Variants in KIF1C observed in about 807,000 individuals in gnomAD.
The protein encoded by KIF1C is kinesin family member 1C.
In KIF1C, 61 loss-of-function variants were observed where a neutral mutation model predicts 126.5. The ratio of observed to expected loss-of-function variants is 0.48; its 90% CI spans 0.39 to 0.60. KIF1C has a LOEUF of 0.60. KIF1C is among the 20% of genes least tolerant of loss of function. KIF1C has a pLI of 0.00. For synonymous variants in KIF1C, 640 were observed against 580.6 expected (o/e 1.10, Z -1.47); for missense variants, 1,315 against 1,489.2 (o/e 0.88, Z 1.93).
intron 18 of KIF1C, 143 bp from the exon 19 acceptor site, chr17:5,019,853 G>T: frequency 1.5e-6 from 1 of 653,310 alleles, no homozygotes; most frequent in Non-Finnish European, 2.8e-6. Flanking sequence ...CACCAGAGGG[G>T]CCATGGCACC....
intron 18 of KIF1C, among the ~76,000 whole-genome samples, chr17:5,018,073 C>A (rs1431123197): frequency 6.6e-6 from 1 of 152,172 alleles, no homozygotes; most frequent in East Asian, 1.9e-4. Context: ...CTCAACCTCC[C>A]GGGTTAAAGT....
chr17:5,018,765 T>C (rs1324116104), intron 18 of KIF1C, among the ~76,000 whole-genome samples: 4 of 152,078 alleles, frequency 2.6e-5, no homozygotes, highest in Non-Finnish European at 4.4e-5. Context: ...GATTATCTTG[T>C]TTATTGTCTG....
In KIF1C at chr17:5,000,216, C is replaced by G; in HGVS notation, c.-27-4C>G. ...ACCCCACCACTCCTTTCTCTGTCCT[C>G]CAGCTGAGGAGGGCAGGAGTGTCTG... On this transcript the variant is annotated splice_region_variant and splice_polypyrimidine_tract_variant and intron_variant, in intron 2 of 22. Coordinates refer to ENST00000320785, the MANE Select transcript of KIF1C (RefSeq NM_006612.6). 4 of 1,496,642 alleles carry G rather than the reference C, an allele frequency of 2.7e-6. No homozygotes were observed. Among genetic ancestry groups the G allele is most frequent in the Non-Finnish European group, 3.6e-6 (4 of 1,096,274 alleles). 92.7% of individuals were successfully genotyped at this position (1,496,642 alleles called of 1,614,324 possible).
Position 5,007,087 on chromosome 17 carries a change from G to A in KIF1C, c.1335+3G>A. 2.5e-6 allele frequency: 4 copies of A among 1,584,696 alleles called. No individual in the cohort carries two copies. Among genetic ancestry groups the A allele is most frequent in the Non-Finnish European group, 3.4e-6 (4 of 1,168,470 alleles). ...AGGAAGCCATGGAGAGGCTGCAGGT[G>A]GGAAGCTGGAGCTGGCAAGGGCTGG... On this transcript the variant is annotated splice_donor_region_variant and intron_variant, in intron 14 of 22. Coordinates refer to ENST00000320785, the MANE Select transcript of KIF1C (RefSeq NM_006612.6).
intron 13 of KIF1C, among the ~76,000 whole-genome samples, chr17:5,005,398 T>C (rs1974703700): frequency 6.6e-6 from 1 of 152,046 alleles, no homozygotes; most frequent in Non-Finnish European, 1.5e-5. Context: ...CTCAGTGGAG[T>C]GCTTTCTGGT....
intron 16 of KIF1C, chr17:5,012,000 C>T (rs554131228): frequency 6.6e-6 from 1 of 152,224 alleles, no homozygotes; most frequent in African/African-American, 2.4e-5. Context: ...CCTCCCAGAA[C>T]ACAGTGGCAC....
chr17:5,005,135 C>T (rs1974697600), intron 13 of KIF1C, 135 bp downstream of exon 13: 1 of 1,099,252 alleles, frequency 9.1e-7, no homozygotes, highest in Middle Eastern at 2.7e-4. Flanking sequence ...GTGACGTGGA[C>T]ACAGATGTGG....
In KIF1C at chr17:5,023,492, G is replaced by A. The variant is rs1175645720; in HGVS notation, c.2653G>A (p.Gly885Ser). Residue 885 changes from glycine to serine, a missense_variant, in exon 23 of 23, where the codon GGT (glycine) becomes AGT (serine). This residue lies in a region of KIF1C where 441 missense variants were observed against 436.1 expected (regional missense o/e 1.01). Coordinates refer to ENST00000320785, the MANE Select transcript of KIF1C (RefSeq NM_006612.6). This position sits in a 1 kb window ranked among gnomAD's most constrained non-coding sequence, Gnocchi z 4.2. ...AQDHEDENEE[G>S]GEVPWAPPEG... ...GGATCATGAGGATGAGAATGAAGAA[G>A]GTGGTGAGGTCCCCTGGGCCCCGCC... 1 of 1,613,938 alleles carries A rather than the reference G, an allele frequency of 6.2e-7. No individual in the cohort carries two copies. Among genetic ancestry groups the A allele is most frequent in the East Asian group, 2.2e-5 (1 of 44,890 alleles).
intron 4 of KIF1C, 115 bp from the exon 5 acceptor site, chr17:5,001,107 C>A: frequency 1.8e-6 from 2 of 1,123,176 alleles, no homozygotes; most frequent in Non-Finnish European, 2.6e-6. Flanking sequence ...GGTGGGAGGG[C>A]ACACAGGACA....
At chr17:5,005,129 C>T (rs746520774) in intron 13 of KIF1C, 129 bp downstream of exon 13, 152 of 1,149,882 alleles carry the variant, frequency 1.3e-4, no homozygotes, top group Non-Finnish European at 1.8e-4. Flanking sequence ...TGCTCAGTGA[C>T]GTGGACACAG....
At position 5,028,356 on chromosome 17, in the gene KIF1C, T is replaced by G. The variant is rs146750814; in HGVS notation, c.*4205T>G. Reference sequence around the variant, plus strand: ...TTAGACATGTTTTTTGTTGTTGTTGTCACCTGGAACTTTTGTATCTTGAAT... The same window carrying G: ...TTAGACATGTTTTTTGTTGTTGTTGGCACCTGGAACTTTTGTATCTTGAAT... On this transcript the variant is annotated 3_prime_UTR_variant, in exon 23 of 23. Coordinates refer to ENST00000320785, the MANE Select transcript of KIF1C (RefSeq NM_006612.6). 5 of 152,346 alleles carry G rather than the reference T, an allele frequency of 3.3e-5. 1 individual carries two copies. The highest frequency in any genetic ancestry group is 1.2e-4 in the African/African-American group (5 of 41,594). 9.4% of individuals were successfully genotyped at this position (152,346 alleles called of 1,614,324 possible).
Position 5,020,794 on chromosome 17 carries a change from G to A in KIF1C, c.1938-12G>A. 1 of 1,596,444 alleles carries A rather than the reference G, an allele frequency of 6.3e-7. No individual in the cohort carries two copies. Among genetic ancestry groups the A allele is most frequent in the Non-Finnish European group, 8.5e-7 (1 of 1,171,102 alleles). ...CAAGGTTGCTCTTCCTTCCCTCCCT[G>A]TCCAATCCCAGGCTGCAGGATCTGG... On this transcript the variant is annotated splice_polypyrimidine_tract_variant and intron_variant, in intron 20 of 22. Transcript: ENST00000320785. This position sits in a 1 kb window ranked among gnomAD's most constrained non-coding sequence, Gnocchi z 5.8.
At chr17:5,006,141 A>G (rs1362239040) in intron 13 of KIF1C, among the ~76,000 whole-genome samples, 1 of 145,666 alleles carries the variant, frequency 6.9e-6, no homozygotes, top group Non-Finnish European at 1.5e-5. Flanking sequence ...CAGGAGGTGG[A>G]GGTTGCGGTG....
rs754186279 is a variant in KIF1C, at chr17:5,020,859, T to G, written c.1991T>G (p.Leu664Arg). Residue 664 changes from leucine (L) to arginine (R), a missense_variant, in exon 21 of 23, where the codon CTG becomes CGG. Transcript: ENST00000320785. The surrounding 1 kb of genome is among the most constrained non-coding windows in gnomAD (Gnocchi z 5.8). ...AAAGAAAAGGAAGAAGCCGATCTTC[T>G]GCTGGAGCAGCAGCGACTGGTGAGG... is the stretch of plus-strand genomic sequence containing the variant. ...YRKEKEEADL[L>R]LEQQRLYADS... 1.9e-6 allele frequency: 3 copies of G among 1,584,060 alleles called. No homozygotes were observed. In the African/African-American group the frequency reaches 4.0e-5, roughly 21 times the overall value.
At chr17:5,012,493 G>C (rs769359230) in intron 16 of KIF1C, among the ~76,000 whole-genome samples, 5 of 152,116 alleles carry the variant, frequency 3.3e-5, no homozygotes, top group Non-Finnish European at 7.4e-5. Context: ...GAGCCTGGGA[G>C]GGGGGCTTGG....
Position 5,026,167 on chromosome 17 carries a change from G to A in KIF1C, c.*2016G>A, listed in dbSNP as rs1052074343. ...CTCCTGCCTTTACTTTGACACCTCT[G>A]ACTGCCAGGTTTTCACAGACCTGTT... is the stretch of plus-strand genomic sequence containing the variant. On this transcript the variant is annotated 3_prime_UTR_variant, in exon 23 of 23. Transcript: ENST00000320785. The A allele has an allele frequency of 6.6e-6, 1 of 152,164 alleles. No homozygotes were observed. 9.4% of individuals were successfully genotyped at this position (152,164 alleles called of 1,614,324 possible). A position where few individuals can be genotyped will look rare whatever the true frequency, so the allele number is the denominator to read the frequency against.
rs201845629 is a variant in KIF1C at position 5,000,307 on chromosome 17, A to G, written c.61A>G (p.Ser21Gly). Residue 21 changes from serine to glycine, a missense_variant, in exon 3 of 23, where the codon AGC (serine) becomes GGC (glycine). Ser to Gly is a moderately conservative substitution (Grantham distance 56). Around this residue, in one of 2 missense-constraint regions of KIF1C, gnomAD observed 874 missense variants for 1,053.2 expected, o/e 0.83. Coordinates refer to ENST00000320785, the MANE Select transcript of KIF1C (RefSeq NM_006612.6). ...RVRPFNARET[S>G]QDAKCVVSMQ... ...TCGGCCCTTTAACGCCCGTGAGACC[A>G]GCCAGGATGCCAAGTGTGTGGTCAG... The G allele has an allele frequency of 5.0e-6, 8 of 1,594,580 alleles. No individual in the cohort carries two copies. Among genetic ancestry groups the G allele is most frequent in the Non-Finnish European group, 6.8e-6 (8 of 1,171,770 alleles).
intron 18 of KIF1C, among the ~76,000 whole-genome samples, chr17:5,015,939 T>TA (rs1010725018): frequency 3.3e-5 from 5 of 150,884 alleles, no homozygotes; most frequent in African/African-American, 7.3e-5. Context: ...TTCTAACACT[T>TA]AAAAAAAAAT....
chr17:5,021,809 A>T (rs1272674450), intron 21 of KIF1C, among the ~76,000 whole-genome samples: 1 of 151,366 alleles, frequency 6.6e-6, no homozygotes, highest in East Asian at 2.0e-4. Context: ...ACAAAGTTCC[A>T]CACTCGATTA....
Sources: gnomAD v4.1 joint callset for allele counts (sites outside exome capture counted in the v4.1 genomes callset) on GRCh38, gnomAD v4.1.1 for gene constraint, gnomAD v4.1.1 regional missense constraint, Gnocchi (gnomAD v3.1) non-coding constraint, MANE v1.5 for transcripts, NCBI Gene and HGNC (gene_info 2026-07-23, HGNC 2026-07-21) for gene names.